The following TCEANC variants were observed in gnomAD, a reference collection of about 807,000 sequenced individuals.
TCEANC encodes transcription elongation factor A N-terminal and central domain-containing protein.
TCEANC carries 8 observed loss-of-function variants against 8.7 expected under a neutral mutation model. That is an observed-to-expected ratio of 0.92 (90% confidence interval 0.54 to 1.65). The LOEUF (loss-of-function observed/expected upper bound fraction) is 1.65. Ranked by LOEUF, TCEANC falls within the 40% of genes most tolerant of loss-of-function variation. The probability of loss-of-function intolerance (pLI) is 0.00; values close to 1 mark genes in which losing one functional copy is unlikely to be tolerated. For synonymous variants in TCEANC, 78 were observed against 92.9 expected, an observed-to-expected ratio of 0.84 and a Z score of 0.92; for missense variants, 255 against 251.9, an observed-to-expected ratio of 1.01 and a Z score of -0.08.
intron 1 of TCEANC, among the ~76,000 whole-genome samples, chrX:13,656,811 C>T (rs780706037): frequency 8.9e-6 from 1 of 112,712 alleles, no homozygotes; most frequent in South Asian, 3.6e-4. Flanking sequence ...CATGGATGAA[C>T]CTTGAGGACA....
chrX:13,662,603 AGCTAGAAACAATTTAT>A lies in TCEANC; in HGVS notation c.97_112del (p.Leu33Ter). 1 of 1,211,716 alleles carries A rather than the reference AGCTAGAAACAATTTAT, an allele frequency of 8.3e-7. No homozygotes were observed. The highest frequency in any genetic ancestry group is 1.1e-6 in the Non-Finnish European group (1 of 895,455). ...GAGGATCTTGGCAACCACCTTACTG[AGCTAGAAACAATTTAT>A]GTGACTAAGGAGCATCTCCAGGAGA... On this transcript the variant is annotated frameshift_variant, in exon 2 of 2. Coordinates refer to ENST00000380600, the Ensembl canonical transcript of TCEANC. LOFTEE classifies it low-confidence loss of function (END_TRUNC).
Position 13,662,816 on chromosome X carries a change from C to A in TCEANC, c.308C>A (p.Ser103Ter). The change falls in exon 2 of 2, where the codon TCA becomes TAA. Residue 103 changes from serine (S) to a stop codon, truncating the protein, a stop_gained. Coordinates refer to ENST00000380600, the Ensembl canonical transcript of TCEANC. LOFTEE classifies it low-confidence loss of function (END_TRUNC). ...GTGAGGGGTAATAAAGAAGAAAATT[C>A]AGGACCTTCTCATGACCCAAGTCAG... The A allele has an allele frequency of 8.3e-7, 1 of 1,211,385 alleles. No homozygotes were observed. The highest frequency in any genetic ancestry group is 1.1e-6 in the Non-Finnish European group (1 of 895,135).
At chrX:13,659,328 A>G (rs12116089) in intron 1 of TCEANC, among the ~76,000 whole-genome samples, 1,998 of 112,352 alleles carry the variant, frequency 0.018, 43 homozygotes, top group African/African-American at 0.06. Flanking sequence ...ACAGCGCCCA[A>G]AAGGAAGTTA....
chrX:13,658,674 G>A (rs2045942981), intron 1 of TCEANC, among the ~76,000 whole-genome samples: 2 of 111,569 alleles, frequency 1.8e-5, no homozygotes, highest in African/African-American at 6.5e-5. Context: ...TATCACCTGT[G>A]GCTTTGCATT....
chrX:13,660,756 T>C (rs994437716), intron 1 of TCEANC, among the ~76,000 whole-genome samples: 2 of 113,056 alleles, frequency 1.8e-5, no homozygotes, highest in African/African-American at 6.4e-5. Flanking sequence ...AATACTGCTA[T>C]GAACATTTGT....
chrX:13,658,538 C>A (rs915399942), intron 1 of TCEANC, among the ~76,000 whole-genome samples: 1 of 102,069 alleles, frequency 9.8e-6, no homozygotes, highest in Non-Finnish European at 2.0e-5. Context: ...AGTTATTGGT[C>A]TAATATAATT....
intron 1 of TCEANC, among the ~76,000 whole-genome samples, 56 bp from the exon 4 acceptor site, chrX:13,660,975 G>A (rs1345568536): frequency 1.8e-5 from 2 of 111,336 alleles, no homozygotes; most frequent in African/African-American, 6.5e-5. Context: ...CTCCCAAGTA[G>A]CTAGGACTAC....
intron 1 of TCEANC, 102 bp from the exon 3 acceptor site, chrX:13,659,550 T>A (rs1188903171): frequency 8.9e-6 from 1 of 112,174 alleles, no homozygotes; most frequent in African/African-American, 3.2e-5. Flanking sequence ...GTTCTTTTAT[T>A]GACCTTTTCT....
At chrX:13,658,297 A>G (rs2045939933) in intron 1 of TCEANC, among the ~76,000 whole-genome samples, 1 of 111,949 alleles carries the variant, frequency 8.9e-6, no homozygotes, top group African/African-American at 3.3e-5. Context: ...TGAATTATAC[A>G]CTTTAGGGGA....
exon 2 of TCEANC, chrX:13,662,772 C>T: frequency 8.3e-7 from 1 of 1,211,323 alleles, no homozygotes; most frequent in Non-Finnish European, 1.1e-6. Flanking sequence ...AAGCGAGGAA[C>T]AGCCCTAAAT....
exon 2 of TCEANC, chrX:13,662,932 A>G (rs1299866568): frequency 7.4e-6 from 9 of 1,209,877 alleles, no homozygotes; most frequent in Admixed American, 2.2e-5. Context: ...AAATAGAGCC[A>G]TTCAATTGAA....
intron 1 of TCEANC, among the ~76,000 whole-genome samples, chrX:13,657,789 C>CA (rs1276129270): frequency 1.1e-5 from 1 of 90,670 alleles, no homozygotes; most frequent in East Asian, 3.4e-4. Flanking sequence ...GCATGGGTGA[C>CA]AGAGCGAGAC....
At chrX:13,662,647 G>C in exon 2 of TCEANC, 1 of 1,211,785 alleles carries the variant, frequency 8.3e-7, no homozygotes, top group Non-Finnish European at 1.1e-6. Context: ...CCAGGAGACA[G>C]ATGTGGTCAG....
chrX:13,660,727 A>T (rs968795015), intron 1 of TCEANC, among the ~76,000 whole-genome samples: 8 of 112,399 alleles, frequency 7.1e-5, no homozygotes, highest in African/African-American at 2.6e-4. Flanking sequence ...ATTATTTCCC[A>T]TTTTTGGCTA....
rs1256661118 is a variant in TCEANC at position 13,656,212 on chromosome X, G to A, written c.-9+839G>A. 2.7e-5 allele frequency among the ~76,000 whole-genome samples: 3 copies of A among 112,110 alleles called. No homozygotes were observed. The East Asian group carries it at 8.3e-4, about 31-fold the overall frequency. ...TCCATGTTGAAATTCCACATGTGTT[G>A]TAACTGGCCAGTTTCTTGTCAGTAT... On this transcript the variant is annotated intron_variant, in intron 1 of 1. Transcript: ENST00000380600.
Position 13,662,637 on chromosome X carries a change from C to T in TCEANC, c.129C>T (p.Leu43=), listed in dbSNP as rs987115683. 3 of 1,211,637 alleles carry T rather than the reference C, an allele frequency of 2.5e-6. No individual in the cohort carries two copies. The Admixed American group carries it at 6.5e-5, about 26-fold the overall frequency. ...CAATTTATGTGACTAAGGAGCATCT[C>T]CAGGAGACAGATGTGGTCAGAGCTG... The change falls in exon 2 of 2, where the codon CTC becomes CTT. Residue 43 remains leucine, a synonymous_variant. Coordinates refer to ENST00000380600, the Ensembl canonical transcript of TCEANC.
intron 1 of TCEANC, among the ~76,000 whole-genome samples, chrX:13,659,148 A>G (rs2045946244): frequency 8.9e-6 from 1 of 112,440 alleles, no homozygotes; most frequent in Non-Finnish European, 1.9e-5. Flanking sequence ...GTTGTGTCAC[A>G]GTGATAAAGT....
At chrX:13,656,060 G>A (rs1326340917) in intron 1 of TCEANC, among the ~76,000 whole-genome samples, 1 of 112,627 alleles carries the variant, frequency 8.9e-6, no homozygotes, top group African/African-American at 3.2e-5. Flanking sequence ...ACTCACAGTT[G>A]GGCCTTGTGA....
intron 1 of TCEANC, among the ~76,000 whole-genome samples, chrX:13,657,994 T>G (rs2045937226): frequency 8.9e-6 from 1 of 112,423 alleles, no homozygotes; most frequent in Admixed American, 9.4e-5. Context: ...CTGAAAATGC[T>G]ACAACATGGA....
Sources: allele counts gnomAD v4.1 joint callset (sites outside exome capture counted in the v4.1 genomes callset), GRCh38; gene constraint gnomAD v4.1.1; transcripts MANE v1.5; gene names NCBI Gene and HGNC (gene_info 2026-07-23, HGNC 2026-07-21).